PALM2AKAP2: variants seen among roughly 807,000 people sequenced by gnomAD.
PALM2AKAP2 encodes the protein PALM2-AKAP2 fusion protein.
PALM2AKAP2 carries 37 observed loss-of-function variants against 71.5 expected under a neutral mutation model. The observed-to-expected ratio is 0.52, with a 90% CI of 0.40 to 0.68. The LOEUF (loss-of-function observed/expected upper bound fraction) is 0.68. Ranked by LOEUF, PALM2AKAP2 falls within the 30% of genes least tolerant of loss-of-function variation. The pLI, the probability that PALM2AKAP2 is intolerant of heterozygous loss-of-function variation, is 0.00. For missense variants in PALM2AKAP2, 1,224 were observed against 1,191.8 expected (o/e 1.03, Z -0.40); for synonymous variants, 468 against 478.8 (o/e 0.98, Z 0.29).
intron 1 of PALM2AKAP2, among the ~76,000 whole-genome samples, chr9:109,677,888 T>C (rs1211656067): frequency 6.6e-6 from 1 of 152,096 alleles, no homozygotes. Context: ...AAATAGGTGA[T>C]AAAATCAAGA....
At chr9:109,879,699 G>GTT (rs369185975) in intron 2 of PALM2AKAP2, among the ~76,000 whole-genome samples, 4 of 135,068 alleles carry the variant, frequency 3.0e-5, no homozygotes, top group South Asian at 2.3e-4. Flanking sequence ...GGGATGTATG[G>GTT]TTTTTTTTTT....
At chr9:109,805,234 G>A (rs1827539928) in intron 1 of PALM2AKAP2, among the ~76,000 whole-genome samples, 2 of 152,140 alleles carry the variant, frequency 1.3e-5, no homozygotes, top group Admixed American at 1.3e-4. Flanking sequence ...TAGTGATGGT[G>A]GCTGCAAGCC....
chr9:110,103,083 G>A (rs1392607961), intron 1 of PALM2AKAP2, among the ~76,000 whole-genome samples: 1 of 152,144 alleles, frequency 6.6e-6, no homozygotes, highest in African/African-American at 2.4e-5. Context: ...GGGCAGCTCA[G>A]CTTTCCCTTC....
chr9:109,883,530 G>T (rs1406951007), intron 3 of PALM2AKAP2, among the ~76,000 whole-genome samples: 1 of 152,196 alleles, frequency 6.6e-6, no homozygotes, highest in African/African-American at 2.4e-5. Flanking sequence ...TACCCTGGAA[G>T]TCAGCTTCTG....
exon 1 of PALM2AKAP2, chr9:109,640,843 C>A (rs1329747446): frequency 6.6e-7 from 1 of 1,517,114 alleles, no homozygotes; most frequent in Non-Finnish European, 8.8e-7. Context: ...AGCAGCGCAC[C>A]CGGCCGCGGA....
chr9:110,125,183 A>T (rs1446450409), intron 1 of PALM2AKAP2, among the ~76,000 whole-genome samples: 1 of 151,774 alleles, frequency 6.6e-6, no homozygotes, highest in Non-Finnish European at 1.5e-5. Context: ...CTGCCTCAAT[A>T]CCCCTGGGAT....
intron 3 of PALM2AKAP2, among the ~76,000 whole-genome samples, chr9:109,882,550 T>G (rs12554949): frequency 0.22 from 33,947 of 152,078 alleles, 4,153 homozygotes; most frequent in Admixed American, 0.28. Context: ...CATATATATA[T>G]AGAGAGAGAG....
At chr9:109,815,429 G>A (rs1384618003) in intron 1 of PALM2AKAP2, among the ~76,000 whole-genome samples, 7 of 152,174 alleles carry the variant, frequency 4.6e-5, no homozygotes, top group Non-Finnish European at 1.5e-5. Context: ...TTTAGCCATG[G>A]ATGTGAATGA....
At chr9:109,932,851 G>C (rs1163715038) in intron 6 of PALM2AKAP2, among the ~76,000 whole-genome samples, 1 of 152,132 alleles carries the variant, frequency 6.6e-6, no homozygotes, top group East Asian at 1.9e-4. Context: ...GCATATTCTA[G>C]GTAAGTGTAT....
At chr9:109,663,216 C>A (rs1177097908) in intron 1 of PALM2AKAP2, among the ~76,000 whole-genome samples, 1 of 152,086 alleles carries the variant, frequency 6.6e-6, no homozygotes, top group African/African-American at 2.4e-5. Context: ...TTAGTTATTT[C>A]TTGCCTTCTG....
exon 4 of PALM2AKAP2, chr9:110,169,300 T>C (rs1405241871): frequency 1.3e-5 from 2 of 152,600 alleles, no homozygotes. Flanking sequence ...GAAAACTATA[T>C]TTAGTGGGCA....
intron 1 of PALM2AKAP2, among the ~76,000 whole-genome samples, chr9:110,114,464 G>A (rs973324472): frequency 9.2e-5 from 14 of 152,126 alleles, no homozygotes; most frequent in Admixed American, 6.5e-4. Flanking sequence ...ATTTTGGGGC[G>A]GGGCACTATT....
chr9:110,148,527 T>G (rs566215732), intron 2 of PALM2AKAP2: 1 of 152,322 alleles, frequency 6.6e-6, no homozygotes, highest in Non-Finnish European at 1.5e-5. Flanking sequence ...CCGTGCACTC[T>G]GGGGCTGACA....
intron 1 of PALM2AKAP2, among the ~76,000 whole-genome samples, chr9:109,769,711 T>C (rs983456834): frequency 2.0e-5 from 3 of 152,192 alleles, no homozygotes; most frequent in Non-Finnish European, 4.4e-5. Flanking sequence ...TTGAGGGTGA[T>C]GTGGACAAAC....
intron 3 of PALM2AKAP2, among the ~76,000 whole-genome samples, chr9:109,911,555 A>G (rs1830570032): frequency 6.6e-6 from 1 of 152,224 alleles, no homozygotes; most frequent in South Asian, 2.1e-4. Context: ...CCAGCTGTAT[A>G]CTTAGATCAA....
At chr9:109,663,714 A>T (rs1422525368) in intron 1 of PALM2AKAP2, among the ~76,000 whole-genome samples, 1 of 152,210 alleles carries the variant, frequency 6.6e-6, no homozygotes, top group African/African-American at 2.4e-5. Flanking sequence ...TGCTTGTTGC[A>T]GAGCTGAGTT....
intron 1 of PALM2AKAP2, among the ~76,000 whole-genome samples, chr9:109,668,741 A>G (rs1056514903): frequency 6.6e-6 from 1 of 152,102 alleles, no homozygotes; most frequent in Non-Finnish European, 1.5e-5. Context: ...GCTTCCAGAG[A>G]GTGTTGTGAT....
chr9:110,051,108 G>A (rs1009890655), intron 1 of PALM2AKAP2, among the ~76,000 whole-genome samples: 3 of 152,196 alleles, frequency 2.0e-5, no homozygotes, highest in Non-Finnish European at 2.9e-5. Context: ...TTCTTTCTGG[G>A]ATGCTGAGAT....
chr9:110,105,715 T>G (rs187814978), intron 1 of PALM2AKAP2, among the ~76,000 whole-genome samples: 2 of 152,288 alleles, frequency 1.3e-5, no homozygotes, highest in Admixed American at 1.3e-4. Context: ...TGTAGGGAAG[T>G]AGGTCTCTCT....
Sources: gnomAD v4.1 joint callset for allele counts (sites outside exome capture counted in the v4.1 genomes callset) on GRCh38, gnomAD v4.1.1 for gene constraint, MANE v1.5 for transcripts, NCBI Gene and HGNC (gene_info 2026-07-23, HGNC 2026-07-21) for gene names.